The following C1QTNF1 variants were observed in gnomAD, a reference collection of about 807,000 sequenced individuals.
C1QTNF1 encodes the protein complement C1q tumor necrosis factor-related protein 1.
In C1QTNF1, 22 loss-of-function variants were observed where a neutral mutation model predicts 27.8. That is an observed-to-expected ratio of 0.79 (90% CI 0.56 to 1.13). The LOEUF (loss-of-function observed/expected upper bound fraction) is 1.13. Among genes scored for constraint, C1QTNF1 ranks in the 50% most tolerant of loss-of-function variants. The probability of loss-of-function intolerance (pLI) is 0.00; values close to 1 mark genes in which losing one functional copy is unlikely to be tolerated. For missense variants in C1QTNF1, 373 were observed against 380.2 expected (o/e 0.98, Z 0.16); for synonymous variants, 166 against 154.3 (o/e 1.08, Z -0.56).
chr17:79,037,544 G>T (rs962967727), intron 1 of C1QTNF1, among the ~76,000 whole-genome samples: 1 of 152,174 alleles, frequency 6.6e-6, no homozygotes, highest in Non-Finnish European at 1.5e-5. Context: ...GATTACAGGC[G>T]TGAGCCACTG....
intron 1 of C1QTNF1, among the ~76,000 whole-genome samples, chr17:79,032,415 C>T (rs560300175): frequency 5.3e-4 from 81 of 152,300 alleles, no homozygotes; most frequent in African/African-American, 1.9e-3. Flanking sequence ...CAGATGGAAA[C>T]GCTCAGGGCT....
intron 1 of C1QTNF1, among the ~76,000 whole-genome samples, chr17:79,041,389 G>A (rs561507569): frequency 3.3e-5 from 5 of 152,292 alleles, no homozygotes; most frequent in Non-Finnish European, 5.9e-5. Context: ...CTGTCACCTC[G>A]GAGGCTCTAT....
intron 1 of C1QTNF1, among the ~76,000 whole-genome samples, chr17:79,042,188 G>GTGCCCC (rs2072429527): frequency 6.6e-6 from 1 of 152,228 alleles, no homozygotes; most frequent in South Asian, 2.1e-4. Context: ...GTTGACCACA[G>GTGCCCC]TCGCTGTGCC....
At chr17:79,040,305 A>T (rs1400305085) in intron 1 of C1QTNF1, among the ~76,000 whole-genome samples, 1 of 152,218 alleles carries the variant, frequency 6.6e-6, no homozygotes, top group Non-Finnish European at 1.5e-5. Context: ...ACGAAAAAAC[A>T]ACAAAAAAAT....
intron 1 of C1QTNF1, chr17:79,043,382 T>C (rs1429485913): frequency 4.4e-6 from 2 of 453,022 alleles, no homozygotes; most frequent in Non-Finnish European, 4.4e-6. Context: ...GTGGACTGTG[T>C]ATGTGCATGT....
rs761723484 is a variant in C1QTNF1, at chr17:79,048,135, G to A, written c.*47G>A. On this transcript the variant is annotated 3_prime_UTR_variant, in exon 4 of 4. Transcript: ENST00000579760. ...TCTCGCCACCTTCCACCCCTGCGCT[G>A]TGCTGACCCCACCGCCTCTTCCCCG... 2 of 1,094,452 alleles carry A rather than the reference G, an allele frequency of 1.8e-6. No individual in the cohort carries two copies. Among genetic ancestry groups the A allele is most frequent in the Non-Finnish European group, 2.4e-6 (2 of 848,990 alleles). 67.8% of individuals were successfully genotyped at this position (1,094,452 alleles called of 1,614,324 possible). A position where few individuals can be genotyped will look rare whatever the true frequency, so the allele number is the denominator to read the frequency against.
intron 1 of C1QTNF1, among the ~76,000 whole-genome samples, chr17:79,026,408 C>A (rs2071961945): frequency 1.3e-5 from 2 of 152,186 alleles, no homozygotes; most frequent in Non-Finnish European, 2.9e-5. Context: ...CCCGCTTCAA[C>A]CTTCCAAAGT....
intron 1 of C1QTNF1, among the ~76,000 whole-genome samples, chr17:79,037,694 G>A (rs1169316375): frequency 6.6e-6 from 1 of 152,006 alleles, no homozygotes; most frequent in African/African-American, 2.4e-5. Context: ...ATTACCACAG[G>A]GTCTCACTCT....
At chr17:79,037,497 C>A (rs1262339158) in intron 1 of C1QTNF1, among the ~76,000 whole-genome samples, 3 of 152,144 alleles carry the variant, frequency 2.0e-5, no homozygotes, top group Non-Finnish European at 4.4e-5. Flanking sequence ...CCCCTGACTT[C>A]AAGTGATCCA....
In C1QTNF1 at chr17:79,047,705, C is replaced by T. The variant is rs1370895099; in HGVS notation, c.463C>T (p.Pro155Ser). The T allele has an allele frequency of 1.2e-6, 2 of 1,614,122 alleles. No individual in the cohort carries two copies. The change falls in exon 4 of 4, where the codon CCC becomes TCC. Residue 155 changes from proline to serine, a missense_variant. Transcript: ENST00000579760. ...CGCCTTTTCGGTGGGCCGGAAGAAG[C>T]CCATGCACAGCAACCACTACTACCA... ...YAAFSVGRKK[P>S]MHSNHYYQTV...
At chr17:79,043,006 C>T (rs367751897) in intron 1 of C1QTNF1, among the ~76,000 whole-genome samples, 94 of 150,428 alleles carry the variant, frequency 6.2e-4, no homozygotes, top group African/African-American at 1.3e-3. Context: ...TGCATGTATG[C>T]GAATGTGCAT....
In C1QTNF1 at chr17:79,047,677, C is replaced by T. The variant is rs34874100; in HGVS notation, c.435C>T (p.Tyr145=). 5.1e-3 allele frequency: 8,311 copies of T among 1,613,954 alleles called. 386 individuals carry two copies. In the African/African-American group the frequency reaches 0.096, roughly 19 times the overall value. The part of the protein sequence containing the change: ...GAPGERCKSH[Y]AAFSVGRKKP... ...CTGGGGAGCGGTGCAAGAGCCACTA[C>T]GCCGCCTTTTCGGTGGGCCGGAAGA... Residue 145 remains tyrosine, a synonymous_variant, in exon 4 of 4, where the codon TAC becomes TAT. Transcript: ENST00000579760.
rs1479702825 is a variant in C1QTNF1 at position 79,046,725 on chromosome 17, G to A, written c.295+31G>A. ...ATGGCTGCAAAGACAAGCACGGGGT[G>A]GCCGGGCTGCTCTGTGCTGATCCGG... is the stretch of plus-strand genomic sequence containing the variant. On this transcript the variant is annotated intron_variant, in intron 3 of 3. Transcript: ENST00000579760. This position sits in a 1 kb window ranked among gnomAD's most constrained non-coding sequence, Gnocchi z 4.8. 1.9e-6 allele frequency: 3 copies of A among 1,613,604 alleles called. No homozygotes were observed. The South Asian group carries it at 3.3e-5, about 18-fold the overall frequency.
rs1458358630 is a variant in C1QTNF1, at chr17:79,046,402, C to T, written c.156-153C>T. Among the ~76,000 whole-genome samples the T allele has an allele frequency of 1.3e-5, 2 of 152,112 alleles. No individual in the cohort carries two copies. The highest frequency in any genetic ancestry group is 4.8e-5 in the African/African-American group (2 of 41,424). ...CGGTAGTGAGGATCCCAGAGTGGGCCGTGAGCCCACCAGCGTGAACACAGA... is the reference window on the plus strand; with the variant it reads ...CGGTAGTGAGGATCCCAGAGTGGGCTGTGAGCCCACCAGCGTGAACACAGA... On this transcript the variant is annotated intron_variant, in intron 2 of 3. Coordinates refer to ENST00000579760, the MANE Select transcript of C1QTNF1 (RefSeq NM_030968.5). The surrounding 1 kb of genome is among the most constrained non-coding windows in gnomAD (Gnocchi z 4.8).
In C1QTNF1 at chr17:79,039,821, GTATATATGTA is replaced by G. The variant is rs576549647; in HGVS notation, c.-14-4123_-14-4114del. Among the ~76,000 whole-genome samples, 195 of 148,622 alleles carry G rather than the reference GTATATATGTA, an allele frequency of 1.3e-3. 5 individuals are homozygous for G. The highest frequency in any genetic ancestry group is 4.8e-3 in the African/African-American group (185 of 38,688). ...TGTATATATATATATATGTAAATAT[GTATATATGTA>G]TATATATGTAAACATGTGTATGTGT... On this transcript the variant is annotated intron_variant, in intron 1 of 3. Transcript: ENST00000579760.
At position 79,044,015 on chromosome 17, in the gene C1QTNF1, T is replaced by C; in HGVS notation, c.47T>C (p.Leu16Pro). The part of the protein sequence containing the change: ...QGLLLAYCLL[L>P]AFASGLVLSR... ...CTCTTGCTGGCGTACTGCCTGCTCC[T>C]TGCCTTTGCCTCTGGCCTGGTCCTG... Residue 16 changes from leucine (L) to proline (P), a missense_variant, in exon 2 of 4, where the codon CTT (leucine) becomes CCT (proline). Transcript: ENST00000579760. 6.2e-7 allele frequency: 1 copy of C among 1,614,200 alleles called. No individual in the cohort carries two copies. Among genetic ancestry groups the C allele is most frequent in the South Asian group, 1.1e-5 (1 of 91,090 alleles).
intron 2 of C1QTNF1, 32 bp downstream of exon 2, chr17:79,044,155 C>T (rs368177181): frequency 2.6e-6 from 4 of 1,557,340 alleles, no homozygotes; most frequent in Admixed American, 3.8e-5. Context: ...ATAGCAGGAG[C>T]TCTGGCTCTG....
chr17:79,044,127 AG>A lies in C1QTNF1; in HGVS notation c.155+8del, dbSNP rs778230370. The A allele has an allele frequency of 9.3e-5, 148 of 1,597,712 alleles. 1 individual carries two copies. In the African/African-American group the frequency reaches 1.9e-3, roughly 20 times the overall value. ...CGCCTCCGGACCATGCCGAGAGGTG[AG>A]GGGCCACGAGGGTGTAATAGCAGGA... is the stretch of plus-strand genomic sequence containing the variant. On this transcript the variant is annotated splice_donor_5th_base_variant and intron_variant, in intron 2 of 3. Coordinates refer to ENST00000579760, the MANE Select transcript of C1QTNF1 (RefSeq NM_030968.5).
chr17:79,036,235 TG>T (rs531390069), intron 1 of C1QTNF1, among the ~76,000 whole-genome samples: 1 of 152,238 alleles, frequency 6.6e-6, no homozygotes, highest in South Asian at 2.1e-4. Context: ...GGCGCAGTGG[TG>T]CAGTCGTGGC....
Sources: allele counts gnomAD v4.1 joint callset (sites outside exome capture counted in the v4.1 genomes callset), GRCh38; gene constraint gnomAD v4.1.1; non-coding constraint Gnocchi (gnomAD v3.1); transcripts MANE v1.5; gene names NCBI Gene and HGNC (gene_info 2026-07-23, HGNC 2026-07-21).